The following SLC23A2 variants were observed in gnomAD, a reference collection of about 807,000 sequenced individuals.
SLC23A2 encodes the protein solute carrier family 23 member 2.
In SLC23A2, 36 loss-of-function variants were observed where a neutral mutation model predicts 73.3. That is an observed-to-expected ratio of 0.49 (90% CI 0.38 to 0.65). The LOEUF is 0.65. SLC23A2 is among the 30% of genes least tolerant of loss of function. The pLI is 0.00. For missense variants in SLC23A2, 507 were observed against 841.6 expected (o/e 0.60, Z 4.92); for synonymous variants, 343 against 327.3 (o/e 1.05, Z -0.52).
At chr20:4,996,511 C>T (rs1271228074) in intron 1 of SLC23A2, among the ~76,000 whole-genome samples, 1 of 151,834 alleles carries the variant, frequency 6.6e-6, no homozygotes, top group Non-Finnish European at 1.5e-5. Context: ...CATGGTGAAA[C>T]ACCATCTCTA....
chr20:4,970,082 T>C (rs968478760), intron 2 of SLC23A2, among the ~76,000 whole-genome samples: 1 of 151,978 alleles, frequency 6.6e-6, no homozygotes, highest in Non-Finnish European at 1.5e-5. Flanking sequence ...AATTCTTAAA[T>C]CTCTTTCCAC....
At position 4,853,378 on chromosome 20, in the gene SLC23A2, C is replaced by T. The variant is rs1327182025; in HGVS notation, c.*3594G>A. On this transcript the variant is annotated 3_prime_UTR_variant, in exon 17 of 17. Transcript: ENST00000338244. ...CTGGCCTGGCCACTCCCATGGCATC[C>T]GTATTACTGAAGATGAGACTTGCCA... 1 of 152,616 alleles carries T rather than the reference C, an allele frequency of 6.6e-6. No homozygotes were observed. Among genetic ancestry groups the T allele is most frequent in the East Asian group, 1.9e-4 (1 of 5,198 alleles). 9.5% of individuals were successfully genotyped at this position (152,616 alleles called of 1,614,324 possible).
rs761039379 is a variant in SLC23A2 at position 4,899,523 on chromosome 20, T to C, written c.482+32A>G. 62 of 1,609,586 alleles carry C rather than the reference T, an allele frequency of 3.9e-5. No homozygotes were observed. In the Admixed American group the frequency reaches 5.3e-4, roughly 14 times the overall value. ...TCTGCGCTCAATGCCTTCTGGGGGC[T>C]TTGGCATCCCCCATTAGTACCCCAA... On this transcript the variant is annotated intron_variant, in intron 6 of 16. Transcript: ENST00000338244. This position sits in a 1 kb window ranked among gnomAD's most constrained non-coding sequence, Gnocchi z 4.9.
intron 1 of SLC23A2, among the ~76,000 whole-genome samples, chr20:4,992,058 C>A (rs1217351862): frequency 6.6e-6 from 1 of 151,842 alleles, no homozygotes; most frequent in African/African-American, 2.4e-5. Flanking sequence ...TGCAGTGAGC[C>A]GAGATCGCGC....
At chr20:4,903,475 T>G (rs1484605083) in intron 4 of SLC23A2, among the ~76,000 whole-genome samples, 2 of 152,198 alleles carry the variant, frequency 1.3e-5, no homozygotes, top group African/African-American at 4.8e-5. Context: ...TGTATCTCAT[T>G]TTAAGAAATG....
At chr20:4,979,541 C>CA (rs199582407) in intron 1 of SLC23A2, among the ~76,000 whole-genome samples, 14 of 148,526 alleles carry the variant, frequency 9.4e-5, no homozygotes, top group South Asian at 6.3e-4. Flanking sequence ...CCTGTCTCTA[C>CA]AAAAAAAAAT....
intron 3 of SLC23A2, among the ~76,000 whole-genome samples, chr20:4,918,269 C>T (rs1478459500): frequency 6.6e-6 from 1 of 152,170 alleles, no homozygotes; most frequent in East Asian, 1.9e-4. Flanking sequence ...TAGTATACCC[C>T]TTTTGGGAAC....
At chr20:4,957,773 C>T (rs1193724512) in intron 2 of SLC23A2, among the ~76,000 whole-genome samples, 1 of 150,806 alleles carries the variant, frequency 6.6e-6, no homozygotes, top group Admixed American at 6.6e-5. Context: ...TGGTGGTGGG[C>T]GCCTGTAATC....
At chr20:4,873,875 C>T (rs1352017134) in intron 11 of SLC23A2, 61 bp downstream of exon 11, 1 of 1,510,912 alleles carries the variant, frequency 6.6e-7, no homozygotes, top group Non-Finnish European at 9.0e-7. Flanking sequence ...CTGCCAAATT[C>T]CCACCCCTCT....
At chr20:4,988,103 A>G (rs1395273353) in intron 1 of SLC23A2, among the ~76,000 whole-genome samples, 1 of 152,000 alleles carries the variant, frequency 6.6e-6, no homozygotes, top group East Asian at 1.9e-4. Flanking sequence ...GTTCAAAACA[A>G]GCCTGGCCAA....
chr20:4,976,755 T>C (rs1312120167), intron 1 of SLC23A2, among the ~76,000 whole-genome samples: 2 of 151,764 alleles, frequency 1.3e-5, no homozygotes, highest in African/African-American at 4.8e-5. Flanking sequence ...CAGCAGATCA[T>C]GAGGTCAAGA....
chr20:4,908,826 G>A (rs1932046790), intron 4 of SLC23A2, among the ~76,000 whole-genome samples: 1 of 152,232 alleles, frequency 6.6e-6, no homozygotes, highest in Admixed American at 6.5e-5. Context: ...TACTTGGGAG[G>A]CTCAGGCTGA....
chr20:4,910,433 T>A (rs1156930942), intron 4 of SLC23A2, among the ~76,000 whole-genome samples: 2 of 151,758 alleles, frequency 1.3e-5, no homozygotes, highest in Non-Finnish European at 2.9e-5. Context: ...TAGCATTTTA[T>A]TTATTTACTT....
chr20:4,898,328 T>C (rs1027136994), intron 6 of SLC23A2, among the ~76,000 whole-genome samples: 1 of 152,198 alleles, frequency 6.6e-6, no homozygotes, highest in African/African-American at 2.4e-5. Flanking sequence ...TCCCAGGGTG[T>C]GGCCTATCCT....
chr20:5,000,716 G>C (rs546380038), intron 1 of SLC23A2, among the ~76,000 whole-genome samples: 31 of 152,192 alleles, frequency 2.0e-4, no homozygotes, highest in Admixed American at 1.4e-3. Flanking sequence ...GGGGCATCTA[G>C]GACCAAACGA....
At chr20:4,997,660 T>C (rs532261156) in intron 1 of SLC23A2, among the ~76,000 whole-genome samples, 106 of 152,298 alleles carry the variant, frequency 7.0e-4, no homozygotes, top group Middle Eastern at 3.4e-3. Context: ...AAAGTAGCTT[T>C]GTCACCCAGG....
chr20:4,902,037 G>T lies in SLC23A2; in HGVS notation c.324+405C>A, dbSNP rs1931762262. 6.6e-6 allele frequency among the ~76,000 whole-genome samples: 1 copy of T among 151,966 alleles called. No homozygotes were observed. Among genetic ancestry groups the T allele is most frequent in the African/African-American group, 2.4e-5 (1 of 41,350 alleles). The stretch of plus-strand genomic sequence containing the variant: ...ATTCATCATTTGTTTTTTGAGACAG[G>T]GTCTCACTATGTCAACCAGGCTGAA... On this transcript the variant is annotated intron_variant, in intron 5 of 16. Coordinates refer to ENST00000338244, the MANE Select transcript of SLC23A2 (RefSeq NM_005116.6). The surrounding 1 kb of genome is among the most constrained non-coding windows in gnomAD (Gnocchi z 4.0).
In SLC23A2 at chr20:4,945,887, T is replaced by C. The variant is rs375284630; in HGVS notation, c.-154-13171A>G. Among the ~76,000 whole-genome samples the C allele has an allele frequency of 2.8e-3, 423 of 152,292 alleles. 2 individuals are homozygous for C. The highest frequency in any genetic ancestry group is 5.5e-3 in the Admixed American group (84 of 15,292). On this transcript the variant is annotated intron_variant, in intron 2 of 16. Coordinates refer to ENST00000338244, the MANE Select transcript of SLC23A2 (RefSeq NM_005116.6). The stretch of plus-strand genomic sequence containing the variant: ...TAAACTAACATGCCCATAGAAATAT[T>C]GTGCCAAAGTGAGAAAGCGGTATAA...
upstream of SLC23A2, among the ~76,000 whole-genome samples, chr20:5,004,947 C>T (rs541010919): frequency 6.6e-6 from 1 of 151,058 alleles, no homozygotes; most frequent in Non-Finnish European, 1.5e-5. Context: ...TGCGGTGAGC[C>T]GAGATTGTGC....
Sources: allele counts gnomAD v4.1 joint callset (sites outside exome capture counted in the v4.1 genomes callset), GRCh38; gene constraint gnomAD v4.1.1; non-coding constraint Gnocchi (gnomAD v3.1); transcripts MANE v1.5; gene names NCBI Gene and HGNC (gene_info 2026-07-23, HGNC 2026-07-21).